TTC27: variants seen among roughly 807,000 people sequenced by gnomAD.
TTC27 encodes tetratricopeptide repeat domain 27.
Under a neutral mutation model 115.9 loss-of-function variants are expected in TTC27, and 79 were observed. That is an observed-to-expected ratio of 0.68 (90% CI 0.57 to 0.82). The LOEUF is 0.82. Ranked by LOEUF, TTC27 falls within the 40% of genes least tolerant of loss-of-function variation. The probability of loss-of-function intolerance (pLI) is 0.00; values close to 1 mark genes in which losing one functional copy is unlikely to be tolerated. For missense variants in TTC27, 1,054 were observed against 993.1 expected, an observed-to-expected ratio of 1.06 and a Z score of -0.82; for synonymous variants, 401 against 356.0, an observed-to-expected ratio of 1.13 and a Z score of -1.42.
intron 16 of TTC27, among the ~76,000 whole-genome samples, chr2:32,795,755 T>TTATTATTATTATTATTATTAA: frequency 6.7e-6 from 1 of 148,882 alleles, no homozygotes; most frequent in African/African-American, 2.5e-5. Context: ...ATTATTATTA[T>TTATTATTATTATTATTATTAA]TTTAGTAGAG....
intron 9 of TTC27, among the ~76,000 whole-genome samples, chr2:32,692,059 T>TTTTTTTTTTTTTTTTTTG (rs1666837595): frequency 7.3e-6 from 1 of 137,094 alleles, no homozygotes; most frequent in Admixed American, 7.5e-5. Context: ...TTTTTTTTTT[T>TTTTTTTTTTTTTTTTTTG]TTTGTAGAGA....
chr2:32,641,493 G>A (rs1296796150), intron 4 of TTC27, among the ~76,000 whole-genome samples: 1 of 152,208 alleles, frequency 6.6e-6, no homozygotes, highest in African/African-American at 2.4e-5. Context: ...ACGATTTTCA[G>A]TTCTTGGACT....
intron 4 of TTC27, among the ~76,000 whole-genome samples, chr2:32,644,585 CT>C (rs1200191882): frequency 6.6e-6 from 1 of 151,670 alleles, no homozygotes. Context: ...GAAATTTTGC[CT>C]TTTTCTTTTT....
At chr2:32,729,513 G>A (rs1668219431) in intron 10 of TTC27, among the ~76,000 whole-genome samples, 1 of 150,080 alleles carries the variant, frequency 6.7e-6, no homozygotes, top group African/African-American at 2.4e-5. Context: ...GGGTCTTTAT[G>A]CACAAATACA....
rs1256187895 is a variant in TTC27 at position 32,628,347 on chromosome 2, C to T, written c.55C>T (p.Gln19Ter). The change falls in exon 1 of 20, where the codon CAG (glutamine) becomes TAG (stop). Residue 19 changes from glutamine to a stop codon, truncating the protein, a stop_gained. Coordinates refer to ENST00000317907, the MANE Select transcript of TTC27 (RefSeq NM_017735.5). LOFTEE classifies it high-confidence loss of function. The stretch of plus-strand genomic sequence containing the variant: ...GGGATTCCCCACTGAGGCTGAGCGG[C>T]AGCAATGGAAACAGGAGGGGGTCGT... ...LRGFPTEAERQQWKQEGVVGS... is the reference protein window; with the variant it reads ...LRGFPTEAER The T allele has an allele frequency of 6.2e-7, 1 of 1,607,430 alleles. No homozygotes were observed. The highest frequency in any genetic ancestry group is 1.1e-5 in the South Asian group (1 of 89,156).
intron 19 of TTC27, among the ~76,000 whole-genome samples, chr2:32,818,107 T>G (rs1671567367): frequency 6.6e-6 from 1 of 152,016 alleles, no homozygotes. Flanking sequence ...CAGCCCTTAA[T>G]GCTTTCCTTA....
chr2:32,636,142 A>G (rs1572460449), intron 3 of TTC27, among the ~76,000 whole-genome samples: 1 of 152,206 alleles, frequency 6.6e-6, no homozygotes, highest in African/African-American at 2.4e-5. Flanking sequence ...TAGATTAGAA[A>G]TCCACCAAAC....
intron 12 of TTC27, among the ~76,000 whole-genome samples, chr2:32,739,692 C>A (rs879840131): frequency 1.3e-5 from 2 of 152,070 alleles, no homozygotes; most frequent in African/African-American, 2.4e-5. Context: ...CCATAAAAGA[C>A]CTCCTTTACC....
At chr2:32,788,637 A>G (rs1670426329) in intron 16 of TTC27, among the ~76,000 whole-genome samples, 1 of 152,094 alleles carries the variant, frequency 6.6e-6, no homozygotes, top group Admixed American at 6.5e-5. Context: ...CTAAATCTAT[A>G]CTTTAACCCC....
intron 10 of TTC27, among the ~76,000 whole-genome samples, chr2:32,725,374 A>T (rs1668074441): frequency 6.6e-6 from 1 of 152,184 alleles, no homozygotes; most frequent in Admixed American, 6.5e-5. Context: ...ATTGGGGTGC[A>T]GGCATTGGGT....
At chr2:32,684,649 C>G (rs978874126) in intron 9 of TTC27, among the ~76,000 whole-genome samples, 1 of 152,006 alleles carries the variant, frequency 6.6e-6, no homozygotes, top group African/African-American at 2.4e-5. Flanking sequence ...ACATAGTTTG[C>G]TAATCCGTTT....
chr2:32,629,904 TG>T (rs1559176915), intron 1 of TTC27, among the ~76,000 whole-genome samples: 2 of 152,006 alleles, frequency 1.3e-5, no homozygotes, highest in Non-Finnish European at 2.9e-5. Context: ...TGTGTGTGTG[TG>T]GGCACTTGTG....
chr2:32,756,965 A>G (rs976580026), intron 12 of TTC27, among the ~76,000 whole-genome samples: 1 of 152,214 alleles, frequency 6.6e-6, no homozygotes, highest in African/African-American at 2.4e-5. Flanking sequence ...GGTAGCTCCA[A>G]ACTGTGGACA....
chr2:32,650,347 T>G, intron 5 of TTC27, 114 bp downstream of exon 5: 1 of 511,166 alleles, frequency 2.0e-6, no homozygotes, highest in South Asian at 4.4e-5. Context: ...TCGTTTTGAG[T>G]TGTTTCTTTT....
chr2:32,780,350 C>T (rs561129549), intron 14 of TTC27, among the ~76,000 whole-genome samples: 12 of 152,120 alleles, frequency 7.9e-5, no homozygotes, highest in Non-Finnish European at 1.6e-4. Flanking sequence ...TTATAGTTTT[C>T]AGAGTGTAAG....
intron 15 of TTC27, among the ~76,000 whole-genome samples, chr2:32,785,683 C>A (rs1670324381): frequency 6.6e-6 from 1 of 152,184 alleles, no homozygotes; most frequent in Non-Finnish European, 1.5e-5. Context: ...GCAACCTCCA[C>A]CTCCCGGGTT....
At chr2:32,656,785 G>T (rs1054972397) in intron 5 of TTC27, among the ~76,000 whole-genome samples, 3 of 151,968 alleles carry the variant, frequency 2.0e-5, no homozygotes, top group Non-Finnish European at 4.4e-5. Context: ...GATAAGGTTT[G>T]TTCAATTATC....
chr2:32,730,044 C>T (rs370052698), intron 10 of TTC27, among the ~76,000 whole-genome samples: 5 of 152,276 alleles, frequency 3.3e-5, no homozygotes, highest in East Asian at 1.9e-4. Context: ...TGTTTATATT[C>T]GCATTCATGC....
chr2:32,644,977 G>C (rs1664799304), intron 4 of TTC27, among the ~76,000 whole-genome samples: 1 of 150,012 alleles, frequency 6.7e-6, no homozygotes, highest in African/African-American at 2.5e-5. Flanking sequence ...TGAGCAGCTA[G>C]GACTATAGGC....
Sources: allele counts gnomAD v4.1 joint callset (sites outside exome capture counted in the v4.1 genomes callset), GRCh38; gene constraint gnomAD v4.1.1; transcripts MANE v1.5; gene names NCBI Gene and HGNC (gene_info 2026-07-23, HGNC 2026-07-21).